The following SMAP1 variants were observed in gnomAD, a reference collection of about 807,000 sequenced individuals.
SMAP1 encodes stromal membrane-associated protein 1.
A neutral mutation model predicts 58.5 loss-of-function variants in SMAP1; 24 were observed. The ratio of observed to expected loss-of-function variants is 0.41; its 90% CI spans 0.30 to 0.58. The LOEUF is 0.58. Among genes scored for constraint, SMAP1 ranks in the 20% least tolerant of loss-of-function variants. SMAP1 has a pLI of 0.29. For synonymous variants in SMAP1, 216 were observed against 196.6 expected (o/e 1.10, Z -0.82); for missense variants, 563 against 566.3 (o/e 0.99, Z 0.06).
chr6:70,828,474 C>T (rs1770228880), intron 6 of SMAP1, among the ~76,000 whole-genome samples: 1 of 152,154 alleles, frequency 6.6e-6, no homozygotes, highest in Admixed American at 6.5e-5. Context: ...TAAAGTATTG[C>T]TCTGACCACA....
intron 1 of SMAP1, among the ~76,000 whole-genome samples, chr6:70,721,194 C>G (rs1273026547): frequency 1.3e-5 from 2 of 152,116 alleles, no homozygotes. Flanking sequence ...GCTCTGCTTC[C>G]CTTATAAAAC....
intron 1 of SMAP1, among the ~76,000 whole-genome samples, chr6:70,684,984 A>G (rs1766874605): frequency 1.3e-5 from 2 of 152,024 alleles, no homozygotes; most frequent in African/African-American, 4.8e-5. Flanking sequence ...TGGTATTTAA[A>G]CTTTATGAGC....
chr6:70,697,175 C>T lies in SMAP1; in HGVS notation c.118+29034C>T, dbSNP rs746051723. On this transcript the variant is annotated intron_variant, in intron 1 of 10. Transcript: ENST00000370455. ...GTTCATTGGATGTTGCTTTTTTATC[C>T]GTTTAGCCACTCTTTGTCTTTTGAT... Among the ~76,000 whole-genome samples, 23 of 152,058 alleles carry T rather than the reference C, an allele frequency of 1.5e-4. 1 individual carries two copies. The highest frequency in any genetic ancestry group is 5.8e-4 in the East Asian group (3 of 5,182).
At chr6:70,694,994 C>T (rs907850746) in intron 1 of SMAP1, among the ~76,000 whole-genome samples, 1 of 152,132 alleles carries the variant, frequency 6.6e-6, no homozygotes, top group Non-Finnish European at 1.5e-5. Flanking sequence ...ATGTTCTATT[C>T]ACTGTGGAGA....
chr6:70,730,369 T>G (rs1765380520), intron 1 of SMAP1, among the ~76,000 whole-genome samples: 2 of 152,248 alleles, frequency 1.3e-5, no homozygotes, highest in Admixed American at 1.3e-4. Context: ...TGCATATCTG[T>G]TTAACCTTTC....
intron 3 of SMAP1, among the ~76,000 whole-genome samples, chr6:70,757,133 A>C (rs1766526480): frequency 6.6e-6 from 1 of 152,226 alleles, no homozygotes; most frequent in Middle Eastern, 3.4e-3. Flanking sequence ...ACAAGGCTAC[A>C]GTAACCAAAA....
In SMAP1 at chr6:70,860,356, C is replaced by T. The variant is rs776038003; in HGVS notation, c.*22C>T. On this transcript the variant is annotated 3_prime_UTR_variant, in exon 11 of 11. Coordinates refer to ENST00000370455, the MANE Select transcript of SMAP1 (RefSeq NM_001044305.3). ...ATGAAAACTGCAATACAAGTTTCAT[C>T]CAGAACTACCACCTGACATTCCTTG... 16 of 1,593,582 alleles carry T rather than the reference C, an allele frequency of 1.0e-5. No homozygotes were observed. The Admixed American group carries it at 2.9e-4, about 28-fold the overall frequency.
chr6:70,817,608 A>C (rs1159981090), intron 6 of SMAP1, among the ~76,000 whole-genome samples: 1 of 152,138 alleles, frequency 6.6e-6, no homozygotes, highest in African/African-American at 2.4e-5. Flanking sequence ...TTGCTTTAAA[A>C]AGTTTGTTTT....
intron 3 of SMAP1, 147 bp downstream of exon 3, chr6:70,755,212 C>A: frequency 1.6e-6 from 1 of 634,344 alleles, no homozygotes; most frequent in Admixed American, 2.7e-5. Context: ...GTGAGCTGTG[C>A]TTTGTATATG....
At chr6:70,680,048 T>C (rs1766637103) in intron 1 of SMAP1, among the ~76,000 whole-genome samples, 1 of 152,166 alleles carries the variant, frequency 6.6e-6, no homozygotes, top group Non-Finnish European at 1.5e-5. Flanking sequence ...CATATTATGG[T>C]CAGTTTTTAA....
At chr6:70,729,459 T>TTAAGAAGGTTG (rs1491434129) in intron 1 of SMAP1, among the ~76,000 whole-genome samples, 2 of 128,168 alleles carry the variant, frequency 1.6e-5, no homozygotes, top group East Asian at 2.3e-4. Flanking sequence ...AAAAAGAAGG[T>TTAAGAAGGTTG]TGTGTGTGTG....
At chr6:70,701,725 G>A (rs1034423379) in intron 1 of SMAP1, among the ~76,000 whole-genome samples, 1 of 152,158 alleles carries the variant, frequency 6.6e-6, no homozygotes, top group Non-Finnish European at 1.5e-5. Context: ...TACAGCTGCT[G>A]TCCAGGGGGT....
intron 1 of SMAP1, among the ~76,000 whole-genome samples, chr6:70,711,377 T>C (rs904686221): frequency 9.2e-5 from 14 of 152,220 alleles, no homozygotes; most frequent in African/African-American, 3.1e-4. Context: ...TGTCATTGAT[T>C]GAAAGGTCAT....
At chr6:70,760,274 T>C (rs1437980909) in intron 3 of SMAP1, among the ~76,000 whole-genome samples, 1 of 152,104 alleles carries the variant, frequency 6.6e-6, no homozygotes, top group Non-Finnish European at 1.5e-5. Flanking sequence ...GTTACCTCAG[T>C]CATTCTTATT....
In SMAP1 at chr6:70,699,211, G is replaced by A. The variant is rs372161604; in HGVS notation, c.118+31070G>A. Reference sequence around the variant, plus strand: ...CTGAGAGAATTCCCTGGATTACCAGGCAGAGACTCTTGTTTTCTTCCCTTA... The same window carrying A: ...CTGAGAGAATTCCCTGGATTACCAGACAGAGACTCTTGTTTTCTTCCCTTA... On this transcript the variant is annotated intron_variant, in intron 1 of 10. Coordinates refer to ENST00000370455, the MANE Select transcript of SMAP1 (RefSeq NM_001044305.3). Among the ~76,000 whole-genome samples the A allele has an allele frequency of 6.6e-5, 10 of 152,294 alleles. No individual in the cohort carries two copies. In the South Asian group the frequency reaches 2.1e-3, roughly 32 times the overall value.
chr6:70,750,381 A>G (rs17763391), intron 2 of SMAP1, among the ~76,000 whole-genome samples: 3,573 of 152,340 alleles, frequency 0.023, 51 homozygotes, highest in Non-Finnish European at 0.037. Flanking sequence ...TTCTTAAATT[A>G]GACAAATGTG....
rs1202343532 is a variant in SMAP1 at position 70,861,000 on chromosome 6, A to T, written c.*666A>T. 4.6e-5 allele frequency: 14 copies of T among 302,928 alleles called. No homozygotes were observed. In the South Asian group the frequency reaches 6.5e-4, roughly 14 times the overall value. The allele number at this position is 302,928 out of a possible 1,614,324, so 18.8% of individuals were successfully genotyped here. ...TAATGTACATAGTGCTAACATGAAG[A>T]CCTTTTTCTGCACTATATGCAAACA... On this transcript the variant is annotated 3_prime_UTR_variant, in exon 11 of 11. Coordinates refer to ENST00000370455, the MANE Select transcript of SMAP1 (RefSeq NM_001044305.3).
chr6:70,791,004 G>T (rs968866882), intron 4 of SMAP1, among the ~76,000 whole-genome samples: 1 of 152,176 alleles, frequency 6.6e-6, no homozygotes, highest in Admixed American at 6.5e-5. Context: ...ACCCATTTTC[G>T]TGTGTAAATT....
chr6:70,790,149 T>G (rs1349583233), intron 4 of SMAP1, among the ~76,000 whole-genome samples: 1 of 152,222 alleles, frequency 6.6e-6, no homozygotes, highest in Non-Finnish European at 1.5e-5. Flanking sequence ...TTTTTATTTT[T>G]TATTTTTTTG....
Sources: gnomAD v4.1 joint callset for allele counts (sites outside exome capture counted in the v4.1 genomes callset) on GRCh38, gnomAD v4.1.1 for gene constraint, MANE v1.5 for transcripts, NCBI Gene and HGNC (gene_info 2026-07-23, HGNC 2026-07-21) for gene names.